IL1RAPL2: variants seen among roughly 807,000 people sequenced by gnomAD.
IL1RAPL2 encodes the protein X-linked interleukin-1 receptor accessory protein-like 2.
In IL1RAPL2, 3 loss-of-function variants were observed where a neutral mutation model predicts 44.1. That is an observed-to-expected ratio of 0.07 (90% CI 0.03 to 0.18). The LOEUF is 0.18. Ranked by LOEUF, IL1RAPL2 falls within the 10% of genes least tolerant of loss-of-function variation. The pLI is 1.00. For missense variants in IL1RAPL2, 391 were observed against 496.4 expected, an observed-to-expected ratio of 0.79 and a Z score of 2.02; for synonymous variants, 181 against 178.8, an observed-to-expected ratio of 1.01 and a Z score of -0.10.
At chrX:105,211,821 A>G (rs1345449594) in intron 3 of IL1RAPL2, among the ~76,000 whole-genome samples, 2 of 111,286 alleles carry the variant, frequency 1.8e-5, no homozygotes, top group African/African-American at 3.3e-5. Context: ...GGTCCAACCC[A>G]TGGAGGGTGA....
chrX:104,655,747 G>A (rs1930243369), intron 1 of IL1RAPL2, among the ~76,000 whole-genome samples: 1 of 111,688 alleles, frequency 9.0e-6, no homozygotes, highest in South Asian at 3.9e-4. Flanking sequence ...CAAAGGAATG[G>A]TACCAGCTCC....
Position 104,921,240 on chromosome X carries a change from C to G in IL1RAPL2, c.82+262245C>G, listed in dbSNP as rs1924630104. Among the ~76,000 whole-genome samples the G allele has an allele frequency of 2.8e-5, 3 of 106,636 alleles. No homozygotes were observed. The South Asian group carries it at 1.3e-3, about 48-fold the overall frequency. The allele number at this position is 106,636 out of a possible 115,157, so 92.6% of individuals were successfully genotyped here. Reference sequence around the variant, plus strand: ...AGCAAAAGCTGACTCTGAGCTCCCCCACCCCCACCCCAGAGCTTTGCATCC... The same window carrying G: ...AGCAAAAGCTGACTCTGAGCTCCCCGACCCCCACCCCAGAGCTTTGCATCC... On this transcript the variant is annotated intron_variant, in intron 2 of 10. Coordinates refer to ENST00000372582, the MANE Select transcript of IL1RAPL2 (RefSeq NM_017416.2).
intron 5 of IL1RAPL2, among the ~76,000 whole-genome samples, chrX:105,367,293 G>A (rs2035302364): frequency 9.0e-6 from 1 of 111,407 alleles, no homozygotes; most frequent in Non-Finnish European, 1.9e-5. Flanking sequence ...GTCACATAGT[G>A]TCTTTTGATT....
chrX:104,859,297 G>C (rs2147646349), intron 2 of IL1RAPL2, among the ~76,000 whole-genome samples: 1 of 111,605 alleles, frequency 9.0e-6, no homozygotes, highest in African/African-American at 3.2e-5. Flanking sequence ...TTTGCTGAAA[G>C]GGACATAAAA....
rs1021764420 is a variant in IL1RAPL2, at chrX:105,268,691, A to C, written c.697+1150A>C. ...GGCTGAGACAGGAGAGTTGCTTGAC[A>C]CAGGAGGCAGAGTTTGCAGTGAGCT... On this transcript the variant is annotated intron_variant, in intron 5 of 10. Coordinates refer to ENST00000372582, the MANE Select transcript of IL1RAPL2 (RefSeq NM_017416.2). Among the ~76,000 whole-genome samples, 6 of 111,099 alleles carry C rather than the reference A, an allele frequency of 5.4e-5. No homozygotes were observed. The Admixed American group carries it at 5.8e-4, about 11-fold the overall frequency.
At chrX:105,677,403 C>T (rs185126021) in intron 6 of IL1RAPL2, among the ~76,000 whole-genome samples, 8 of 112,274 alleles carry the variant, frequency 7.1e-5, no homozygotes, top group African/African-American at 2.3e-4. Flanking sequence ...TTACTTTTCT[C>T]ATTCTGTGTT....
intron 2 of IL1RAPL2, among the ~76,000 whole-genome samples, chrX:104,908,147 A>G (rs1216959751): frequency 4.5e-5 from 5 of 109,986 alleles, no homozygotes; most frequent in African/African-American, 1.7e-4. Context: ...TATGTTTTCC[A>G]TTTGCTTGGT....
intron 5 of IL1RAPL2, among the ~76,000 whole-genome samples, chrX:105,351,997 G>C (rs1318737041): frequency 9.0e-6 from 1 of 111,013 alleles, no homozygotes; most frequent in Non-Finnish European, 1.9e-5. Context: ...GTCCAGGCTG[G>C]ACTGCAGTGG....
chrX:104,606,584 C>CA (rs906672254), intron 1 of IL1RAPL2, among the ~76,000 whole-genome samples: 2 of 111,671 alleles, frequency 1.8e-5, no homozygotes, highest in African/African-American at 6.5e-5. Context: ...CGTCTCAGCC[C>CA]AAAATCTCCT....
At chrX:105,358,702 CAAAAAA>C in intron 5 of IL1RAPL2, among the ~76,000 whole-genome samples, 1 of 70,386 alleles carries the variant, frequency 1.4e-5, no homozygotes, top group Non-Finnish European at 3.1e-5. Context: ...CAACAACAAA[CAAAAAA>C]AAAAAAAGAA....
At chrX:104,827,952 C>T (rs112678666) in intron 2 of IL1RAPL2, among the ~76,000 whole-genome samples, 5,965 of 111,469 alleles carry the variant, frequency 0.054, 417 homozygotes, top group African/African-American at 0.19. Flanking sequence ...ACGAAGTTCT[C>T]GTGCTGTGTT....
intron 2 of IL1RAPL2, among the ~76,000 whole-genome samples, chrX:104,719,274 A>G (rs1427443935): frequency 8.9e-6 from 1 of 112,223 alleles, no homozygotes; most frequent in Non-Finnish European, 1.9e-5. Context: ...TGGCTTATGC[A>G]TATAAATGTA....
chrX:105,037,334 G>T (rs907873384), intron 2 of IL1RAPL2, among the ~76,000 whole-genome samples: 4 of 111,154 alleles, frequency 3.6e-5, no homozygotes, highest in African/African-American at 1.3e-4. Context: ...ATTGTTGGGG[G>T]AAAATGGGCC....
At chrX:105,366,198 C>G (rs767866444) in intron 5 of IL1RAPL2, among the ~76,000 whole-genome samples, 91 of 111,421 alleles carry the variant, frequency 8.2e-4, no homozygotes, top group Non-Finnish European at 1.5e-3. Flanking sequence ...CTGCCCACCT[C>G]AGCCTCCTAA....
chrX:104,633,890 TG>T (rs1375735040), intron 1 of IL1RAPL2, among the ~76,000 whole-genome samples: 2 of 111,633 alleles, frequency 1.8e-5, no homozygotes. Context: ...TGCTAGCTTT[TG>T]AATGTGTTTG....
intron 6 of IL1RAPL2, among the ~76,000 whole-genome samples, chrX:105,547,669 C>T (rs1244615835): frequency 8.9e-6 from 1 of 112,115 alleles, no homozygotes; most frequent in African/African-American, 3.2e-5. Flanking sequence ...CTGTTGGCTG[C>T]ATCCCTTCCC....
chrX:105,042,939 G>T (rs1383881105), intron 2 of IL1RAPL2, among the ~76,000 whole-genome samples: 16 of 107,039 alleles, frequency 1.5e-4, no homozygotes, highest in Non-Finnish European at 2.7e-4. Context: ...GGACATGGAT[G>T]AAATTGGAAA....
intron 2 of IL1RAPL2, among the ~76,000 whole-genome samples, chrX:104,726,855 CTTG>C (rs1000067988): frequency 1.3e-4 from 14 of 110,445 alleles, no homozygotes; most frequent in African/African-American, 3.3e-4. Context: ...TGTTTCTACC[CTTG>C]TTGTTTTTGC....
At chrX:105,669,437 T>C (rs1032979932) in intron 6 of IL1RAPL2, among the ~76,000 whole-genome samples, 1 of 111,695 alleles carries the variant, frequency 9.0e-6, no homozygotes, top group African/African-American at 3.3e-5. Flanking sequence ...CATAGCCAAA[T>C]ACCTGAGACT....
Sources: allele counts gnomAD v4.1 joint callset (sites outside exome capture counted in the v4.1 genomes callset), GRCh38; gene constraint gnomAD v4.1.1; transcripts MANE v1.5; gene names NCBI Gene and HGNC (gene_info 2026-07-23, HGNC 2026-07-21).